PXDNL: variants seen among roughly 807,000 people sequenced by gnomAD.
The protein encoded by PXDNL is peroxidasin like.
PXDNL carries 145 observed loss-of-function variants against 150.8 expected under a neutral mutation model. That is an observed-to-expected ratio of 0.96 (90% CI 0.84 to 1.10). The LOEUF (loss-of-function observed/expected upper bound fraction) is 1.10, where lower values mean the gene tolerates loss of function less well. PXDNL is among the 50% of genes least tolerant of loss of function. The pLI is 0.00. For synonymous variants in PXDNL, 757 were observed against 725.7 expected, an observed-to-expected ratio of 1.04 and a Z score of -0.69; for missense variants, 2,087 against 1,873.9, an observed-to-expected ratio of 1.11 and a Z score of -2.10.
chr8:51,329,992 C>G (rs539221658), intron 21 of PXDNL, among the ~76,000 whole-genome samples: 7 of 152,276 alleles, frequency 4.6e-5, no homozygotes, highest in African/African-American at 1.7e-4. Flanking sequence ...GGCCTGAGAA[C>G]CAGGAGTGCT....
intron 13 of PXDNL, among the ~76,000 whole-genome samples, chr8:51,426,156 A>G (rs1374288903): frequency 6.6e-6 from 1 of 152,208 alleles, no homozygotes; most frequent in Non-Finnish European, 1.5e-5. Flanking sequence ...TATGGCTTCC[A>G]AAAGATGTAA....
intron 1 of PXDNL, among the ~76,000 whole-genome samples, chr8:51,772,080 C>A (rs2037302139): frequency 6.6e-6 from 1 of 152,064 alleles, no homozygotes; most frequent in Non-Finnish European, 1.5e-5. Flanking sequence ...TGGTGTCTCT[C>A]CCTCTCCTGC....
chr8:51,678,112 T>C (rs563880209), intron 1 of PXDNL, among the ~76,000 whole-genome samples: 34 of 152,336 alleles, frequency 2.2e-4, no homozygotes, highest in Admixed American at 1.1e-3. Context: ...TGGATCTCCA[T>C]TGTGGCATAA....
At chr8:51,355,002 T>A (rs1806460939) in intron 19 of PXDNL, among the ~76,000 whole-genome samples, 1 of 152,150 alleles carries the variant, frequency 6.6e-6, no homozygotes, top group Non-Finnish European at 1.5e-5. Flanking sequence ...AACAAGTTTT[T>A]CACACAAGAT....
At chr8:51,685,162 T>A (rs1815845056) in intron 1 of PXDNL, among the ~76,000 whole-genome samples, 1 of 152,206 alleles carries the variant, frequency 6.6e-6, no homozygotes, top group African/African-American at 2.4e-5. Flanking sequence ...CTATTCTGAT[T>A]ATAGGTATCA....
intron 1 of PXDNL, among the ~76,000 whole-genome samples, chr8:51,736,559 C>T (rs1817042720): frequency 6.6e-6 from 1 of 152,202 alleles, no homozygotes; most frequent in Non-Finnish European, 1.5e-5. Flanking sequence ...TCAGCCCACT[C>T]CTTGTTCCTG....
chr8:51,646,188 G>A (rs561751825), intron 2 of PXDNL, among the ~76,000 whole-genome samples: 1 of 152,132 alleles, frequency 6.6e-6, no homozygotes. Context: ...AGTGACACTG[G>A]TGTCCTTATA....
intron 5 of PXDNL, among the ~76,000 whole-genome samples, chr8:51,486,286 T>C (rs1810733294): frequency 6.6e-6 from 1 of 152,174 alleles, no homozygotes; most frequent in Admixed American, 6.5e-5. Context: ...GAAAAATCAT[T>C]CTTGAATTTT....
At chr8:51,577,859 A>C (rs1277798672) in intron 3 of PXDNL, among the ~76,000 whole-genome samples, 2 of 149,058 alleles carry the variant, frequency 1.3e-5, no homozygotes, top group East Asian at 3.9e-4. Context: ...TGGAAGATCT[A>C]GGCAATGAAA....
chr8:51,323,772 C>T (rs970339542), intron 21 of PXDNL, among the ~76,000 whole-genome samples: 4 of 151,376 alleles, frequency 2.6e-5, no homozygotes, highest in Non-Finnish European at 4.4e-5. Context: ...GAAAATTAGC[C>T]GGGCGTAGTG....
intron 17 of PXDNL, among the ~76,000 whole-genome samples, chr8:51,376,663 G>A (rs1032793600): frequency 6.6e-6 from 1 of 151,112 alleles, no homozygotes; most frequent in Non-Finnish European, 1.5e-5. Context: ...TTTGATGTCT[G>A]TTCTGGTGGT....
chr8:51,700,168 T>TAC (rs58406482), intron 1 of PXDNL, among the ~76,000 whole-genome samples: 3,881 of 139,884 alleles, frequency 0.028, 58 homozygotes, highest in Non-Finnish European at 0.033. Flanking sequence ...TATGCCTGCA[T>TAC]ACACACACAC....
chr8:51,507,522 T>C (rs1811320109), intron 4 of PXDNL, among the ~76,000 whole-genome samples: 1 of 152,190 alleles, frequency 6.6e-6, no homozygotes, highest in African/African-American at 2.4e-5. Context: ...ATTTGAACTT[T>C]ACCTTAAAGA....
intron 12 of PXDNL, among the ~76,000 whole-genome samples, chr8:51,440,970 T>A (rs1188974280): frequency 6.6e-6 from 1 of 152,158 alleles, no homozygotes; most frequent in Non-Finnish European, 1.5e-5. Context: ...GGCAGTGCAG[T>A]GCTGAGGGGA....
chr8:51,659,435 T>A (rs976266096), intron 1 of PXDNL, among the ~76,000 whole-genome samples: 1 of 152,178 alleles, frequency 6.6e-6, no homozygotes, highest in Non-Finnish European at 1.5e-5. Flanking sequence ...TTTTAACTAA[T>A]AAGATGTGAG....
rs1249913224 is a variant in PXDNL at position 51,408,495 on chromosome 8, G to A, written c.3129C>T (p.Gly1043=). Residue 1043 remains glycine (G), a synonymous_variant, in exon 17 of 23, where the codon GGC becomes GGT. Transcript: ENST00000356297. ...CTGCAGTAGCAAAAGAGTTAATGAT[G>A]CCTGCATTCACGTTGGGGTTGTAGC... ...YRGYNPNVNA[G]IINSFATAAF... is the part of the protein sequence containing the mutation. 6.2e-7 allele frequency: 1 copy of A among 1,613,540 alleles called. No individual in the cohort carries two copies. Among genetic ancestry groups the A allele is most frequent in the Non-Finnish European group, 8.5e-7 (1 of 1,179,652 alleles).
At chr8:51,567,560 C>T (rs1407568871) in intron 3 of PXDNL, among the ~76,000 whole-genome samples, 2 of 151,762 alleles carry the variant, frequency 1.3e-5, no homozygotes, top group African/African-American at 4.8e-5. Flanking sequence ...CTTAAGTCTG[C>T]TTTATCTGAA....
intron 2 of PXDNL, among the ~76,000 whole-genome samples, chr8:51,608,836 CAAAAA>C (rs59195880): frequency 0.062 from 3,714 of 59,532 alleles, 126 homozygotes; most frequent in African/African-American, 0.2. Context: ...GACTCTGTCT[CAAAAA>C]AAAAAAAAAA....
chr8:51,492,750 T>G (rs13269736), intron 5 of PXDNL, among the ~76,000 whole-genome samples: 29,952 of 152,146 alleles, frequency 0.2, 3,202 homozygotes, highest in African/African-American at 0.26. Context: ...CGCCTGCGAT[T>G]GCCCAGGCTT....
Sources: allele counts gnomAD v4.1 joint callset (sites outside exome capture counted in the v4.1 genomes callset), GRCh38; gene constraint gnomAD v4.1.1; transcripts MANE v1.5; gene names NCBI Gene and HGNC (gene_info 2026-07-23, HGNC 2026-07-21).